The following ZFAND6 variants were observed in gnomAD, a reference collection of about 807,000 sequenced individuals.
The protein encoded by ZFAND6 is zinc finger AN1-type containing 6.
ZFAND6 carries 12 observed loss-of-function variants against 24.5 expected under a neutral mutation model. The ratio of observed to expected loss-of-function variants is 0.49; its 90% CI spans 0.31 to 0.79. The LOEUF (loss-of-function observed/expected upper bound fraction) is 0.79. ZFAND6 is among the 30% of genes least tolerant of loss of function. The probability of loss-of-function intolerance (pLI) is 0.04; values close to 1 mark genes in which losing one functional copy is unlikely to be tolerated. For synonymous variants in ZFAND6, 92 were observed against 81.5 expected (o/e 1.13, Z -0.69); for missense variants, 207 against 245.9 (o/e 0.84, Z 1.06).
intron 1 of ZFAND6, among the ~76,000 whole-genome samples, chr15:80,076,926 G>A (rs1342935993): frequency 6.6e-6 from 1 of 151,916 alleles, no homozygotes; most frequent in Non-Finnish European, 1.5e-5. Context: ...AAGTATTTCT[G>A]ACAGTTTTTT....
At chr15:80,136,825 A>T (rs1321113640) in intron 6 of ZFAND6, among the ~76,000 whole-genome samples, 3 of 152,226 alleles carry the variant, frequency 2.0e-5, no homozygotes, top group South Asian at 2.1e-4. Context: ...AAAATTAAGT[A>T]GCATTTATTG....
At chr15:80,092,108 G>A (rs1385325507) in intron 1 of ZFAND6, among the ~76,000 whole-genome samples, 1 of 151,992 alleles carries the variant, frequency 6.6e-6, no homozygotes, top group Admixed American at 6.6e-5. Flanking sequence ...GCAATGGATA[G>A]TATTTATCTG....
chr15:80,134,048 C>T (rs1394676799), intron 6 of ZFAND6, among the ~76,000 whole-genome samples: 4 of 148,142 alleles, frequency 2.7e-5, no homozygotes, highest in East Asian at 2.0e-4. Flanking sequence ...AGTGCAGTGG[C>T]GCACTCTCCA....
intron 1 of ZFAND6, among the ~76,000 whole-genome samples, chr15:80,089,268 T>TG (rs1555430122): frequency 1.5e-5 from 2 of 136,316 alleles, no homozygotes; most frequent in African/African-American, 5.5e-5. Context: ...TGTTTTTTTT[T>TG]TTTTTTTTTT....
intron 1 of ZFAND6, among the ~76,000 whole-genome samples, chr15:80,085,591 C>T (rs1440619620): frequency 6.6e-6 from 1 of 152,064 alleles, no homozygotes; most frequent in East Asian, 1.9e-4. Flanking sequence ...AAACAAAAAA[C>T]ACTCATCATC....
rs192472730 is a variant in ZFAND6 at position 80,124,783 on chromosome 15, C to T, written c.364+1983C>T. ...AAGTACCTTTAAAAAACTTAGCATT[C>T]GTAATATCAGCAGCAAATCTTTGAT... is the stretch of plus-strand genomic sequence containing the variant. On this transcript the variant is annotated intron_variant, in intron 5 of 6. Transcript: ENST00000261749. 3.3e-5 allele frequency among the ~76,000 whole-genome samples: 5 copies of T among 152,130 alleles called. No individual in the cohort carries two copies. The East Asian group carries it at 9.6e-4, about 29-fold the overall frequency.
chr15:80,111,382 C>T, intron 2 of ZFAND6: 2 of 393,306 alleles, frequency 5.1e-6, no homozygotes, highest in South Asian at 3.8e-5. Context: ...TGCAGTCAAC[C>T]CTGCCAATCA....
intron 2 of ZFAND6, among the ~76,000 whole-genome samples, 163 bp downstream of exon 2, chr15:80,098,741 G>C (rs1297361911): frequency 6.6e-6 from 1 of 152,030 alleles, no homozygotes; most frequent in African/African-American, 2.4e-5. Flanking sequence ...GTGGGTGGTA[G>C]ATTTTTATTT....
chr15:80,115,929 T>A (rs2039854751), intron 2 of ZFAND6, among the ~76,000 whole-genome samples: 1 of 152,196 alleles, frequency 6.6e-6, no homozygotes, highest in African/African-American at 2.4e-5. Flanking sequence ...CCTTTTACTG[T>A]TTGGTTGCTA....
rs2039398180 is a variant in ZFAND6 at position 80,107,579 on chromosome 15, C to G, written c.-18+9001C>G. The stretch of plus-strand genomic sequence containing the variant: ...GTGTTTCATGCCTGTAATCCCAGCT[C>G]TTTGGGAGGCTGAAGCGGGTGGGTC... On this transcript the variant is annotated intron_variant, in intron 2 of 6. Coordinates refer to ENST00000261749, the MANE Select transcript of ZFAND6 (RefSeq NM_019006.4). 3.3e-5 allele frequency among the ~76,000 whole-genome samples: 5 copies of G among 152,186 alleles called. No individual in the cohort carries two copies. In the South Asian group the frequency reaches 1.0e-3, roughly 32 times the overall value.
intron 1 of ZFAND6, among the ~76,000 whole-genome samples, chr15:80,093,866 C>T (rs188496884): frequency 4.8e-4 from 73 of 151,932 alleles, no homozygotes; most frequent in African/African-American, 1.6e-3. Flanking sequence ...AGTGTAGTTT[C>T]GGGAAGGGTG....
intron 1 of ZFAND6, among the ~76,000 whole-genome samples, chr15:80,071,560 G>A (rs2036977816): frequency 6.6e-6 from 1 of 152,082 alleles, no homozygotes; most frequent in African/African-American, 2.4e-5. Context: ...ACTTAGTAAT[G>A]TATAAAGTGA....
intron 1 of ZFAND6, among the ~76,000 whole-genome samples, chr15:80,084,555 A>G (rs895516683): frequency 6.6e-6 from 1 of 152,226 alleles, no homozygotes; most frequent in Admixed American, 6.5e-5. Flanking sequence ...GTATTGATTT[A>G]ATTACTAATT....
intron 1 of ZFAND6, among the ~76,000 whole-genome samples, chr15:80,080,307 G>C (rs1032863509): frequency 6.6e-6 from 1 of 152,092 alleles, no homozygotes; most frequent in Non-Finnish European, 1.5e-5. Context: ...TACACAACCA[G>C]TTTTCTTAAA....
chr15:80,063,635 G>A (rs2036455582), intron 1 of ZFAND6, among the ~76,000 whole-genome samples: 1 of 150,792 alleles, frequency 6.6e-6, no homozygotes, highest in South Asian at 2.1e-4. Context: ...TCGGCTCACA[G>A]CAACCTGGGT....
chr15:80,131,608 T>C (rs2040606689), intron 6 of ZFAND6: 2 of 373,568 alleles, frequency 5.4e-6, no homozygotes, highest in Admixed American at 4.2e-5. Context: ...TTTGAAGTAC[T>C]TGGTAAACTG....
chr15:80,088,925 T>C (rs1349619849), intron 1 of ZFAND6, among the ~76,000 whole-genome samples: 1 of 152,156 alleles, frequency 6.6e-6, no homozygotes, highest in Non-Finnish European at 1.5e-5. Flanking sequence ...TTCCCAACAT[T>C]TGAGGGATTT....
intron 2 of ZFAND6, among the ~76,000 whole-genome samples, chr15:80,112,566 T>G (rs2039663391): frequency 6.6e-6 from 1 of 152,056 alleles, no homozygotes; most frequent in Non-Finnish European, 1.5e-5. Context: ...CCCAGCTGAT[T>G]TTTGTATTTT....
intron 4 of ZFAND6, among the ~76,000 whole-genome samples, chr15:80,122,325 A>T (rs979325330): frequency 1.3e-5 from 2 of 152,194 alleles, no homozygotes; most frequent in African/African-American, 4.8e-5. Context: ...TTAAGTTCCT[A>T]CACTGGGGTT....
Sources: allele counts gnomAD v4.1 joint callset (sites outside exome capture counted in the v4.1 genomes callset), GRCh38; gene constraint gnomAD v4.1.1; transcripts MANE v1.5; gene names NCBI Gene and HGNC (gene_info 2026-07-23, HGNC 2026-07-21).